The following DDB1 variants were observed in gnomAD, a reference collection of about 807,000 sequenced individuals.
DDB1 encodes damage specific DNA binding protein 1.
In DDB1, 18 loss-of-function variants were observed where a neutral mutation model predicts 133.1. The ratio of observed to expected loss-of-function variants is 0.14; its 90% CI spans 0.09 to 0.20. DDB1 has a LOEUF of 0.20. Among genes scored for constraint, DDB1 ranks in the 10% least tolerant of loss-of-function variants. The pLI, the probability that DDB1 is intolerant of heterozygous loss-of-function variation, is 1.00. For missense variants in DDB1, 828 were observed against 1,459.2 expected, an observed-to-expected ratio of 0.57 and a Z score of 7.05; for synonymous variants, 580 against 550.5, an observed-to-expected ratio of 1.05 and a Z score of -0.75.
intron 10 of DDB1, among the ~76,000 whole-genome samples, chr11:61,319,417 T>C (rs942145429): frequency 3.9e-5 from 6 of 152,068 alleles, no homozygotes; most frequent in African/African-American, 1.4e-4. Flanking sequence ...GGCTAACATG[T>C]CTCACTGCTT....
At chr11:61,303,235 A>C (rs1855828704) in intron 22 of DDB1, 80 bp from the exon 23 acceptor site, 1 of 1,321,662 alleles carries the variant, frequency 7.6e-7, no homozygotes. Flanking sequence ...TGTTTCCTTT[A>C]TTCAGGAGCA....
Position 61,313,946 on chromosome 11 carries a change from T to A in DDB1, c.1777A>T (p.Met593Leu). Residue 593 changes from methionine to leucine, a missense_variant, in exon 15 of 27, where the codon ATG (methionine) becomes TTG (leucine). Physicochemically the swap from Met to Leu is conservative, Grantham distance 15. Around this residue, in one of 7 missense-constraint regions of DDB1, gnomAD observed 396 missense variants for 554.1 expected, o/e 0.71. Coordinates refer to ENST00000301764, the MANE Select transcript of DDB1 (RefSeq NM_001923.5). ...GGEIIPRSIL[M>L]TTFESSHYLL... ...TAATGGCTACTCTCAAAGGTGGTCATCAGGATGGAGCGAGGAATGATCTCT... is the reference window on the plus strand; with the variant it reads ...TAATGGCTACTCTCAAAGGTGGTCAACAGGATGGAGCGAGGAATGATCTCT... The A allele has an allele frequency of 6.2e-7, 1 of 1,614,124 alleles. No homozygotes were observed.
chr11:61,311,969 T>C lies in DDB1; in HGVS notation c.2165+20A>G. ...CCCTACACCAACCCCCACTTCCCAC[T>C]CTCCCACCCTGGGCCTCACCTTGGA... On this transcript the variant is annotated intron_variant, in intron 17 of 26. Coordinates refer to ENST00000301764, the MANE Select transcript of DDB1 (RefSeq NM_001923.5). 6.2e-7 allele frequency: 1 copy of C among 1,613,960 alleles called. No homozygotes were observed. Among genetic ancestry groups the C allele is most frequent in the South Asian group, 1.1e-5 (1 of 91,070 alleles).
chr11:61,316,987 A>C lies in DDB1; in HGVS notation c.1226-420T>G, dbSNP rs1360074270. Among the ~76,000 whole-genome samples, 12 of 84,812 alleles carry C rather than the reference A, an allele frequency of 1.4e-4. 1 individual carries two copies. Among genetic ancestry groups the C allele is most frequent in the Admixed American group, 1.4e-4 (1 of 7,190 alleles). 55.6% of individuals were successfully genotyped at this position (84,812 alleles called of 152,430 possible). A position where few individuals can be genotyped will look rare whatever the true frequency, so the allele number is the denominator to read the frequency against. On this transcript the variant is annotated intron_variant, in intron 10 of 26. Coordinates refer to ENST00000301764, the MANE Select transcript of DDB1 (RefSeq NM_001923.5). ...TATATATATATATATATATATATATATATATATATATAGACATGGCAGCCT... is the reference window on the plus strand; with the variant it reads ...TATATATATATATATATATATATATCTATATATATATAGACATGGCAGCCT...
At chr11:61,305,229 C>T (rs992202897) in intron 21 of DDB1, among the ~76,000 whole-genome samples, 1 of 152,204 alleles carries the variant, frequency 6.6e-6, no homozygotes, top group Non-Finnish European at 1.5e-5. Context: ...CAATGGTTGG[C>T]GGGGCGCAGT....
In DDB1 at chr11:61,323,972, G is replaced by C. The variant is rs200532644; in HGVS notation, c.921+7C>G. On this transcript the variant is annotated splice_region_variant and intron_variant, in intron 7 of 26. Coordinates refer to ENST00000301764, the MANE Select transcript of DDB1 (RefSeq NM_001923.5). The stretch of plus-strand genomic sequence containing the variant: ...CATTGTAGAGGAACAGGGAGAACAA[G>C]CTCTACCTCTCCAAGGAGTTCTACA... 3.0e-4 allele frequency: 480 copies of C among 1,613,086 alleles called. No homozygotes were observed. Among genetic ancestry groups the C allele is most frequent in the Non-Finnish European group, 1.2e-4 (138 of 1,179,690 alleles).
intron 2 of DDB1, among the ~76,000 whole-genome samples, chr11:61,330,997 G>C (rs187388176): frequency 6.6e-6 from 1 of 152,104 alleles, no homozygotes; most frequent in Admixed American, 6.5e-5. Context: ...CTATATGATA[G>C]GCCCTATGTT....
chr11:61,309,052 C>T lies in DDB1; in HGVS notation c.2592G>A (p.Lys864=). Reference sequence around the variant, plus strand: ...TAGAGTACACGGCCCCTTTCACTTCCTTTTCAGCCACAGTCTGTAGTTTTC... The same window carrying T: ...TAGAGTACACGGCCCCTTTCACTTCTTTTTCAGCCACAGTCTGTAGTTTTC... ...SDGKLQTVAE[K]EVKGAVYSMV... Residue 864 remains lysine, a synonymous_variant, in exon 21 of 27, where the codon AAG becomes AAA. Coordinates refer to ENST00000301764, the MANE Select transcript of DDB1 (RefSeq NM_001923.5). 6.2e-7 allele frequency: 1 copy of T among 1,614,180 alleles called. No homozygotes were observed.
intron 8 of DDB1, 142 bp downstream of exon 8, chr11:61,322,869 T>A (rs1856205673): frequency 4.3e-6 from 3 of 701,504 alleles, no homozygotes; most frequent in African/African-American, 3.6e-5. Context: ...AGGGGTAGGA[T>A]GTTAAATTAA....
rs749814416 is a variant in DDB1 at position 61,309,790 on chromosome 11, A to G, written c.2566+6T>C. The G allele has an allele frequency of 1.2e-6, 2 of 1,609,676 alleles. No homozygotes were observed. Among genetic ancestry groups the G allele is most frequent in the Non-Finnish European group, 1.7e-6 (2 of 1,177,408 alleles). On this transcript the variant is annotated splice_donor_region_variant and intron_variant, in intron 20 of 26. Transcript: ENST00000301764. Reference sequence around the variant, plus strand: ...CCCTCAGAAACTGGAGACTGCGCCCACTTACCATCCGAATACTGAAAGACC... The same window carrying G: ...CCCTCAGAAACTGGAGACTGCGCCCGCTTACCATCCGAATACTGAAAGACC...
rs1411519490 is a variant in DDB1, at chr11:61,316,447, A to G, written c.1301+45T>C. On this transcript the variant is annotated intron_variant, in intron 11 of 26. Coordinates refer to ENST00000301764, the MANE Select transcript of DDB1 (RefSeq NM_001923.5). ...CCTGGGACCAGCTTCCCCACCTCAC[A>G]ACCTTCTCACCAGCACCTACAGCTG... The G allele has an allele frequency of 1.9e-6, 3 of 1,613,768 alleles. No homozygotes were observed. In the African/African-American group the frequency reaches 4.0e-5, roughly 22 times the overall value.
chr11:61,304,565 C>A (rs576056820), intron 21 of DDB1, among the ~76,000 whole-genome samples: 29 of 152,306 alleles, frequency 1.9e-4, no homozygotes, highest in African/African-American at 7.0e-4. Context: ...CCCTCTACCA[C>A]CCCGCAAGAG....
chr11:61,325,690 C>T lies in DDB1; in HGVS notation c.683G>A (p.Gly228Glu). The change falls in exon 6 of 27, where the codon GGG becomes GAG. Residue 228 changes from glycine (G) to glutamate (E), a missense_variant. Physicochemically the swap from Gly to Glu is moderately conservative, Grantham distance 98. Transcript: ENST00000301764. The part of the protein sequence containing the change: ...MVIAVPEPFG[G>E]AIIIGQESIT... Reference sequence around the variant, plus strand: ...TGACTCCTGTCCAATGATGATGGCCCCCCCAAAGGGCTCTGGGACTGCAGG... The same window carrying T: ...TGACTCCTGTCCAATGATGATGGCCTCCCCAAAGGGCTCTGGGACTGCAGG... The T allele has an allele frequency of 6.2e-7, 1 of 1,613,054 alleles. No homozygotes were observed.
Position 61,324,032 on chromosome 11 carries a change from G to T in DDB1, c.868C>A (p.Gln290Lys). The T allele has an allele frequency of 6.2e-7, 1 of 1,614,202 alleles. No individual in the cohort carries two copies. Among genetic ancestry groups the T allele is most frequent in the Non-Finnish European group, 8.5e-7 (1 of 1,180,034 alleles). Residue 290 changes from glutamine to lysine, a missense_variant, in exon 7 of 27, where the codon CAG becomes AAG. Around this residue, in one of 7 missense-constraint regions of DDB1, gnomAD observed 35 missense variants for 57.5 expected, o/e 0.61. Transcript: ENST00000301764. The stretch of plus-strand genomic sequence containing the variant: ...TTGAGAGTGACGGTGCCATCCATCT[G>T]TTCCTCCTTCTCCAAAAGCAGCATG... ...LFMLLLEKEE[Q>K]MDGTVTLKDL...
At chr11:61,316,997 A>ATATG (rs1856096114) in intron 10 of DDB1, among the ~76,000 whole-genome samples, 5 of 101,042 alleles carry the variant, frequency 4.9e-5, no homozygotes, top group African/African-American at 1.6e-4. Flanking sequence ...ATATATATAT[A>ATATG]TAGACATGGC....
intron 4 of DDB1, among the ~76,000 whole-genome samples, chr11:61,327,753 G>C (rs28720270): frequency 6.6e-6 from 1 of 152,284 alleles, no homozygotes; most frequent in East Asian, 1.9e-4. Context: ...AAAAAGCAGG[G>C]ACCAGAAGAA....
intron 5 of DDB1, 119 bp downstream of exon 5, chr11:61,326,660 T>C (rs1445946163): frequency 6.1e-6 from 5 of 813,320 alleles, no homozygotes; most frequent in Non-Finnish European, 1.1e-5. Flanking sequence ...TGGTAAACAA[T>C]GCACACCTTC....
chr11:61,322,881 C>G, intron 8 of DDB1, 130 bp downstream of exon 8: 1 of 757,780 alleles, frequency 1.3e-6, no homozygotes, highest in South Asian at 1.9e-5. Flanking sequence ...TTAAATTAAC[C>G]AAGTAGAAAG....
intron 10 of DDB1, among the ~76,000 whole-genome samples, chr11:61,316,982 T>TAC (rs1676593980): frequency 1.4e-5 from 1 of 72,526 alleles, no homozygotes; most frequent in Non-Finnish European, 3.2e-5. Context: ...TATATATATA[T>TAC]ATATATATAT....
Sources: gnomAD v4.1 joint callset for allele counts (sites outside exome capture counted in the v4.1 genomes callset) on GRCh38, gnomAD v4.1.1 for gene constraint, gnomAD v4.1.1 regional missense constraint, MANE v1.5 for transcripts, NCBI Gene and HGNC (gene_info 2026-07-23, HGNC 2026-07-21) for gene names.